Variants in SGCZ observed in about 807,000 individuals in gnomAD.
SGCZ encodes the protein zeta-sarcoglycan.
In SGCZ, 40 loss-of-function variants were observed where a neutral mutation model predicts 41.3. The observed-to-expected ratio is 0.97, with a 90% CI of 0.75 to 1.26. SGCZ has a LOEUF of 1.26. SGCZ is among the 50% of genes most tolerant of loss of function. The probability of loss-of-function intolerance (pLI) is 0.00; values close to 1 mark genes in which losing one functional copy is unlikely to be tolerated. For missense variants in SGCZ, 552 were observed against 369.8 expected, an observed-to-expected ratio of 1.49 and a Z score of -4.04; for synonymous variants, 206 against 137.5, an observed-to-expected ratio of 1.50 and a Z score of -3.49.
chr8:15,095,406 C>T (rs750689004), intron 1 of SGCZ, among the ~76,000 whole-genome samples: 8 of 152,132 alleles, frequency 5.3e-5, no homozygotes, highest in Non-Finnish European at 1.0e-4. Context: ...GCCAAGAAAA[C>T]ATTTTAACTG....
intron 4 of SGCZ, among the ~76,000 whole-genome samples, chr8:14,237,131 T>C (rs1284479018): frequency 6.6e-6 from 1 of 152,172 alleles, no homozygotes; most frequent in Non-Finnish European, 1.5e-5. Flanking sequence ...GTTTATTTAT[T>C]ATAATTTAAC....
At chr8:14,503,663 G>C (rs571498874) in intron 2 of SGCZ, among the ~76,000 whole-genome samples, 1 of 152,140 alleles carries the variant, frequency 6.6e-6, no homozygotes, top group East Asian at 1.9e-4. Flanking sequence ...AGTTACTAGG[G>C]AGGCTGAGGC....
intron 2 of SGCZ, among the ~76,000 whole-genome samples, chr8:14,395,134 C>G (rs527704988): frequency 6.6e-6 from 1 of 152,300 alleles, no homozygotes; most frequent in African/African-American, 2.4e-5. Flanking sequence ...TATAATTATT[C>G]TGTTCTTAGC....
intron 3 of SGCZ, among the ~76,000 whole-genome samples, chr8:14,262,687 G>A (rs575048215): frequency 6.6e-6 from 1 of 150,820 alleles, no homozygotes; most frequent in Non-Finnish European, 1.5e-5. Flanking sequence ...AAAACTTCAA[G>A]AACCTTGAAT....
chr8:14,373,761 C>T (rs1412753741), intron 2 of SGCZ, among the ~76,000 whole-genome samples: 4 of 151,960 alleles, frequency 2.6e-5, no homozygotes, highest in Admixed American at 6.6e-5. Flanking sequence ...GAATTGTAAA[C>T]GGTAGGTTTA....
intron 2 of SGCZ, among the ~76,000 whole-genome samples, chr8:14,518,486 A>C (rs1178834888): frequency 1.3e-5 from 2 of 152,148 alleles, no homozygotes. Context: ...ACTTATTATA[A>C]TGTGATATGG....
At chr8:14,721,750 C>G (rs1005060671) in intron 1 of SGCZ, among the ~76,000 whole-genome samples, 7 of 152,148 alleles carry the variant, frequency 4.6e-5, no homozygotes, top group Admixed American at 3.3e-4. Flanking sequence ...ATCTTCTGTT[C>G]AAAACTCTAC....
intron 1 of SGCZ, among the ~76,000 whole-genome samples, chr8:14,764,537 A>G (rs1252266490): frequency 6.6e-6 from 1 of 152,174 alleles, no homozygotes; most frequent in Admixed American, 6.5e-5. Flanking sequence ...CCATAGATCT[A>G]CACCTGCAGA....
intron 1 of SGCZ, among the ~76,000 whole-genome samples, chr8:15,213,975 A>G (rs923313865): frequency 2.0e-5 from 3 of 152,036 alleles, no homozygotes; most frequent in Admixed American, 6.6e-5. Flanking sequence ...CTTGCAGAAT[A>G]CAAATAATTT....
At chr8:14,519,083 A>AAAAT (rs1802711403) in intron 2 of SGCZ, among the ~76,000 whole-genome samples, 1 of 151,538 alleles carries the variant, frequency 6.6e-6, no homozygotes, top group African/African-American at 2.4e-5. Context: ...AAAAAAAAAA[A>AAAAT]AAGACAGAGA....
chr8:14,594,999 T>C (rs1260327811), intron 1 of SGCZ, among the ~76,000 whole-genome samples: 1 of 151,950 alleles, frequency 6.6e-6, no homozygotes, highest in Non-Finnish European at 1.5e-5. Context: ...GTTATATATT[T>C]TATATTTTTT....
At chr8:14,263,766 A>G (rs1449902465) in intron 3 of SGCZ, among the ~76,000 whole-genome samples, 1 of 152,112 alleles carries the variant, frequency 6.6e-6, no homozygotes, top group Non-Finnish European at 1.5e-5. Context: ...TAAAAACAAA[A>G]AAAGATGCAA....
At chr8:14,551,498 TTA>T (rs1403762270) in intron 2 of SGCZ, among the ~76,000 whole-genome samples, 2,359 of 9,706 alleles carry the variant, frequency 0.24, 397 homozygotes, top group South Asian at 0.45. Context: ...ATTATATATA[TTA>T]TATATATTAT....
At chr8:14,250,013 T>G (rs527335809) in intron 3 of SGCZ, among the ~76,000 whole-genome samples, 1 of 152,292 alleles carries the variant, frequency 6.6e-6, no homozygotes, top group South Asian at 2.1e-4. Flanking sequence ...AAATCAATAA[T>G]GTACATACAA....
At chr8:14,147,197 G>A (rs1330555130) in intron 5 of SGCZ, among the ~76,000 whole-genome samples, 1 of 152,046 alleles carries the variant, frequency 6.6e-6, no homozygotes, top group Admixed American at 6.5e-5. Context: ...AGGAAGAAAA[G>A]TAGGAAGGAA....
At chr8:14,978,348 G>A (rs1801550020) in intron 1 of SGCZ, among the ~76,000 whole-genome samples, 1 of 151,316 alleles carries the variant, frequency 6.6e-6, no homozygotes, top group African/African-American at 2.4e-5. Context: ...ATGGGTACCT[G>A]TATTCCCAGC....
intron 1 of SGCZ, among the ~76,000 whole-genome samples, chr8:14,862,539 T>G (rs1310532104): frequency 2.5e-3 from 29 of 11,746 alleles, no homozygotes; most frequent in East Asian, 7.5e-3. Flanking sequence ...CTTTAAGATA[T>G]ATATATATAT....
At chr8:15,190,403 T>A (rs1014596257) in intron 1 of SGCZ, among the ~76,000 whole-genome samples, 8 of 152,036 alleles carry the variant, frequency 5.3e-5, no homozygotes, top group African/African-American at 1.9e-4. Flanking sequence ...GCAATAGGCT[T>A]GACACGGCTC....
intron 1 of SGCZ, among the ~76,000 whole-genome samples, chr8:14,793,970 T>C (rs552112482): frequency 1.3e-4 from 20 of 152,318 alleles, no homozygotes; most frequent in African/African-American, 4.8e-4. Context: ...AGCCAGATTA[T>C]ATCCTCCAAA....
Sources: allele counts gnomAD v4.1 joint callset (sites outside exome capture counted in the v4.1 genomes callset), GRCh38; gene constraint gnomAD v4.1.1; transcripts MANE v1.5; gene names NCBI Gene and HGNC (gene_info 2026-07-23, HGNC 2026-07-21).